MTR: variants seen among roughly 807,000 people sequenced by gnomAD.
The protein encoded by MTR is 5-methyltetrahydrofolate-homocysteine methyltransferase.
Under a neutral mutation model 154.8 loss-of-function variants are expected in MTR, and 84 were observed. The observed-to-expected ratio is 0.54, with a 90% CI of 0.45 to 0.65. The LOEUF is 0.65. Among genes scored for constraint, MTR ranks in the 30% least tolerant of loss-of-function variants. The pLI, the probability that MTR is intolerant of heterozygous loss-of-function variation, is 0.00. For missense variants in MTR, 1,275 were observed against 1,570.2 expected (o/e 0.81, Z 3.18); for synonymous variants, 554 against 553.9 (o/e 1.00, Z 0.00).
intron 31 of MTR, 71 bp from the exon 32 acceptor site, chr1:236,896,935 G>GT: frequency 9.1e-7 from 1 of 1,098,128 alleles, no homozygotes; most frequent in Non-Finnish European, 1.4e-6. Flanking sequence ...AGTTCATTGA[G>GT]TGCCTGCTAG....
chr1:236,862,152 A>G (rs1664581386), intron 20 of MTR, 84 bp from the exon 21 acceptor site: 1 of 1,096,376 alleles, frequency 9.1e-7, no homozygotes, highest in African/African-American at 1.5e-5. Flanking sequence ...TGCATTCCTA[A>G]TGTGTGCCCA....
intron 29 of MTR, among the ~76,000 whole-genome samples, chr1:236,892,814 A>G (rs1666405337): frequency 6.6e-6 from 1 of 152,206 alleles, no homozygotes; most frequent in African/African-American, 2.4e-5. Flanking sequence ...CCAGTCTTTC[A>G]TCTTTCAAGT....
At chr1:236,868,052 A>G (rs137950931) in intron 22 of MTR, among the ~76,000 whole-genome samples, 1 of 152,228 alleles carries the variant, frequency 6.6e-6, no homozygotes. Flanking sequence ...TTCTGTGAGT[A>G]AAACGCTATC....
At chr1:236,879,390 GTT>G (rs980838602) in intron 24 of MTR, among the ~76,000 whole-genome samples, 6 of 152,170 alleles carry the variant, frequency 3.9e-5, no homozygotes, top group African/African-American at 1.4e-4. Context: ...CTGCTACTTT[GTT>G]TCTTTCTCAT....
intron 15 of MTR, among the ~76,000 whole-genome samples, chr1:236,840,227 A>G (rs1663151471): frequency 6.6e-6 from 1 of 152,268 alleles, no homozygotes; most frequent in South Asian, 2.1e-4. Flanking sequence ...TTGATCATTA[A>G]CATATATTGA....
intron 28 of MTR, among the ~76,000 whole-genome samples, chr1:236,889,798 T>C (rs3768151): frequency 0.35 from 53,795 of 151,842 alleles, 10,282 homozygotes; most frequent in East Asian, 0.44. Flanking sequence ...GGATGTGATA[T>C]GGTGTTGAAG....
Position 236,803,527 on chromosome 1 carries a change from A to G in MTR, c.134A>G (p.Lys45Arg). 6.2e-7 allele frequency: 1 copy of G among 1,614,208 alleles called. No individual in the cohort carries two copies. Among genetic ancestry groups the G allele is most frequent in the Non-Finnish European group, 8.5e-7 (1 of 1,180,014 alleles). The change falls in exon 2 of 33, where the codon AAG becomes AGG. Residue 45 changes from lysine (K) to arginine (R), a missense_variant. Transcript: ENST00000366577. ...ATGGGGACCATGATCCAGCGGGAGA[A>G]GCTAAACGAAGAACACTTCCGAGGT... ...GGMGTMIQRE[K>R]LNEEHFRGQE...
rs1553327531 is a variant in MTR, at chr1:236,885,182, A to G, written c.2738A>G (p.Tyr913Cys). 3.7e-6 allele frequency: 6 copies of G among 1,608,872 alleles called. No homozygotes were observed. The highest frequency in any genetic ancestry group is 5.1e-6 in the Non-Finnish European group (6 of 1,175,404). ...TACTTTGAGGAAATCATGGAAGAAT[A>G]TGAAGATATTAGACAGGACCATTAT... ...DEYFEEIMEE[Y>C]EDIRQDHYES... Residue 913 changes from tyrosine (Y) to cysteine (C), a missense_variant, in exon 26 of 33, where the codon TAT (tyrosine) becomes TGT (cysteine). By Grantham distance (194) the Tyr-to-Cys change is radical (BLOSUM62 -2). Coordinates refer to ENST00000366577, the MANE Select transcript of MTR (RefSeq NM_000254.3).
intron 25 of MTR, 82 bp downstream of exon 25, chr1:236,880,918 AT>A: frequency 7.5e-7 from 1 of 1,337,580 alleles, no homozygotes; most frequent in Non-Finnish European, 1.1e-6. Context: ...AGATCTATTC[AT>A]TTTTATTCAG....
At chr1:236,853,138 A>G in intron 18 of MTR, 50 bp downstream of exon 18, 2 of 1,583,680 alleles carry the variant, frequency 1.3e-6, no homozygotes, top group Non-Finnish European at 1.7e-6. Context: ...CTTTGAATGT[A>G]TTACTCACCT....
intron 15 of MTR, among the ~76,000 whole-genome samples, chr1:236,840,031 G>T (rs1663140780): frequency 6.6e-6 from 1 of 152,120 alleles, no homozygotes; most frequent in Admixed American, 6.5e-5. Flanking sequence ...CTGAGATGGG[G>T]GTGGTCTCAA....
At chr1:236,885,061 G>GACC in intron 25 of MTR, 60 bp from the exon 26 acceptor site, 1 of 1,038,898 alleles carries the variant, frequency 9.6e-7, no homozygotes, top group Non-Finnish European at 1.5e-6. Flanking sequence ...TATCAGCATT[G>GACC]ACCATTACTA....
At chr1:236,858,346 G>A (rs1424862398) in intron 18 of MTR, among the ~76,000 whole-genome samples, 1 of 152,160 alleles carries the variant, frequency 6.6e-6, no homozygotes, top group African/African-American at 2.4e-5. Context: ...CACAAGAACA[G>A]CACAGGAAAG....
chr1:236,881,107 A>C (rs997121458), intron 25 of MTR, among the ~76,000 whole-genome samples: 20 of 152,188 alleles, frequency 1.3e-4, no homozygotes, highest in Admixed American at 5.9e-4. Flanking sequence ...GACACCAACC[A>C]GACAAAGATT....
rs1473142831 is a variant in MTR at position 236,803,993 on chromosome 1, G to A, written c.249+351G>A. Among the ~76,000 whole-genome samples the A allele has an allele frequency of 3.3e-5, 5 of 152,310 alleles. No individual in the cohort carries two copies. The South Asian group carries it at 8.3e-4, about 25-fold the overall frequency. ...ATGCTTAAAGGTGGTTGGTATCTTAGCTTTGGCTGCTGTATTACCTGTTAC... is the reference window on the plus strand; with the variant it reads ...ATGCTTAAAGGTGGTTGGTATCTTAACTTTGGCTGCTGTATTACCTGTTAC... On this transcript the variant is annotated intron_variant, in intron 2 of 32. Coordinates refer to ENST00000366577, the MANE Select transcript of MTR (RefSeq NM_000254.3).
At chr1:236,868,696 A>G (rs181909836) in intron 22 of MTR, among the ~76,000 whole-genome samples, 5 of 152,358 alleles carry the variant, frequency 3.3e-5, no homozygotes, top group Admixed American at 2.0e-4. Flanking sequence ...TCATACATCT[A>G]ATGTTTTTAA....
intron 19 of MTR, 27 bp from the exon 20 acceptor site, chr1:236,861,098 T>TTTTTTTTTTTTTTTTG (rs1558317981): frequency 5.5e-6 from 2 of 361,098 alleles, no homozygotes; most frequent in South Asian, 3.5e-5. Context: ...TTTCTTTTTC[T>TTTTTTTTTTTTTTTTG]TTTTTTTTTT....
At chr1:236,802,111 A>G (rs1360509935) in intron 1 of MTR, among the ~76,000 whole-genome samples, 1 of 152,212 alleles carries the variant, frequency 6.6e-6, no homozygotes, top group African/African-American at 2.4e-5. Context: ...TTAGAGGCCA[A>G]ATCTATAAGG....
intron 11 of MTR, among the ~76,000 whole-genome samples, chr1:236,828,144 A>G (rs1323879623): frequency 1.3e-5 from 2 of 151,896 alleles, no homozygotes; most frequent in Non-Finnish European, 2.9e-5. Context: ...TGCCCGGCTA[A>G]TTTTTTGTAT....
Sources: gnomAD v4.1 joint callset for allele counts (sites outside exome capture counted in the v4.1 genomes callset) on GRCh38, gnomAD v4.1.1 for gene constraint, MANE v1.5 for transcripts, NCBI Gene and HGNC (gene_info 2026-07-23, HGNC 2026-07-21) for gene names.